Variants in CNTNAP2 observed in about 807,000 individuals in gnomAD.
The protein encoded by CNTNAP2 is contactin associated protein 2, also known as contactin-associated protein-like 2.
In CNTNAP2, 98 loss-of-function variants were observed where a neutral mutation model predicts 155.2. The observed-to-expected ratio is 0.63, with a 90% CI of 0.54 to 0.75. The LOEUF (loss-of-function observed/expected upper bound fraction) is 0.75, where lower values mean the gene tolerates loss of function less well. Ranked by LOEUF, CNTNAP2 falls within the 30% of genes least tolerant of loss-of-function variation. The pLI, the probability that CNTNAP2 is intolerant of heterozygous loss-of-function variation, is 0.00. For missense variants in CNTNAP2, 1,727 were observed against 1,688.1 expected (o/e 1.02, Z -0.40); for synonymous variants, 651 against 631.2 (o/e 1.03, Z -0.47).
chr7:147,085,684 G>C (rs557660890), intron 4 of CNTNAP2: 2 of 152,286 alleles, frequency 1.3e-5, no homozygotes, highest in African/African-American at 2.4e-5. Flanking sequence ...ACATTTTACT[G>C]TGTGTTACCT....
At chr7:148,395,406 C>T (rs931946145) in intron 22 of CNTNAP2, among the ~76,000 whole-genome samples, 5 of 152,038 alleles carry the variant, frequency 3.3e-5, no homozygotes, top group Admixed American at 6.6e-5. Flanking sequence ...GCCCCAGCCC[C>T]GCCTCCAGGA....
chr7:146,345,487 G>A (rs558157015), intron 1 of CNTNAP2, among the ~76,000 whole-genome samples: 1 of 152,116 alleles, frequency 6.6e-6, no homozygotes, highest in Non-Finnish European at 1.5e-5. Flanking sequence ...GGCAGATAGA[G>A]CTTTTCCACT....
chr7:148,085,939 T>G (rs1253196047), intron 15 of CNTNAP2, among the ~76,000 whole-genome samples: 7 of 152,244 alleles, frequency 4.6e-5, no homozygotes, highest in Non-Finnish European at 1.0e-4. Flanking sequence ...TCAATCAAGT[T>G]ATTCTGCCAT....
intron 17 of CNTNAP2, among the ~76,000 whole-genome samples, chr7:148,154,976 T>G (rs776642014): frequency 3.4e-4 from 52 of 151,854 alleles, no homozygotes; most frequent in Non-Finnish European, 6.2e-4. Context: ...GCAGGAATTA[T>G]AACCTAGAGA....
chr7:146,199,723 A>G (rs889317284), intron 1 of CNTNAP2, among the ~76,000 whole-genome samples: 1 of 152,202 alleles, frequency 6.6e-6, no homozygotes, highest in Non-Finnish European at 1.5e-5. Flanking sequence ...CAATAGAGAA[A>G]TTAGAGAGGG....
intron 1 of CNTNAP2, among the ~76,000 whole-genome samples, chr7:146,495,206 G>T (rs1313346682): frequency 1.3e-5 from 2 of 152,214 alleles, no homozygotes; most frequent in African/African-American, 4.8e-5. Flanking sequence ...TGTTTGACAT[G>T]TATCTGGATC....
chr7:147,915,374 T>G (rs1800140781), intron 14 of CNTNAP2, among the ~76,000 whole-genome samples: 2 of 152,218 alleles, frequency 1.3e-5, no homozygotes, highest in African/African-American at 4.8e-5. Flanking sequence ...TTTGTGCTCT[T>G]AAATCTTTTG....
At chr7:146,741,903 A>G (rs1365456592) in intron 1 of CNTNAP2, among the ~76,000 whole-genome samples, 1 of 152,106 alleles carries the variant, frequency 6.6e-6, no homozygotes, top group Non-Finnish European at 1.5e-5. Context: ...AAAAAATTGG[A>G]AGGAAAAAAC....
chr7:146,852,576 A>G (rs1243798936), intron 3 of CNTNAP2, among the ~76,000 whole-genome samples: 1 of 152,154 alleles, frequency 6.6e-6, no homozygotes, highest in Non-Finnish European at 1.5e-5. Flanking sequence ...CACTATCAAC[A>G]TCATGTAATT....
intron 15 of CNTNAP2, among the ~76,000 whole-genome samples, chr7:147,983,636 A>C (rs1801570521): frequency 6.6e-6 from 1 of 152,200 alleles, no homozygotes; most frequent in South Asian, 2.1e-4. Flanking sequence ...TGAGGTATAC[A>C]TTGGTTTAGT....
rs1363771525 is a variant in CNTNAP2, at chr7:146,820,586, C to A, written c.209-19125C>A. 2.0e-5 allele frequency among the ~76,000 whole-genome samples: 3 copies of A among 152,132 alleles called. No individual in the cohort carries two copies. In the East Asian group the frequency reaches 5.8e-4, roughly 29 times the overall value. ...TTGCTGAGGAGTGCTTTACTTCCAA[C>A]TATGTGGTCAATTTTGGAGTAGGTG... On this transcript the variant is annotated intron_variant, in intron 2 of 23. Transcript: ENST00000361727.
At chr7:148,226,550 G>C (rs1585200812) in intron 19 of CNTNAP2, among the ~76,000 whole-genome samples, 1 of 152,216 alleles carries the variant, frequency 6.6e-6, no homozygotes, top group East Asian at 1.9e-4. Flanking sequence ...AGTTGGGCAA[G>C]CGGGCCCAAG....
At chr7:146,155,945 C>T (rs1330813169) in intron 1 of CNTNAP2, among the ~76,000 whole-genome samples, 1 of 151,878 alleles carries the variant, frequency 6.6e-6, no homozygotes, top group African/African-American at 2.4e-5. Flanking sequence ...CTCAGGTGAT[C>T]CTCCCACCTC....
intron 12 of CNTNAP2, among the ~76,000 whole-genome samples, chr7:147,610,515 C>T (rs965830404): frequency 3.9e-5 from 6 of 152,122 alleles, no homozygotes; most frequent in Non-Finnish European, 8.8e-5. Flanking sequence ...CACAGTGGCA[C>T]ATTTTGGGGT....
At chr7:146,291,733 A>G (rs1237366975) in intron 1 of CNTNAP2, among the ~76,000 whole-genome samples, 1 of 152,252 alleles carries the variant, frequency 6.6e-6, no homozygotes, top group Non-Finnish European at 1.5e-5. Context: ...TATAATTTTT[A>G]AAAAGCCAAT....
chr7:146,735,442 C>G (rs1251272002), intron 1 of CNTNAP2, among the ~76,000 whole-genome samples: 3 of 151,962 alleles, frequency 2.0e-5, no homozygotes, highest in Admixed American at 2.0e-4. Context: ...GTAGTCCCAG[C>G]TACTTGGGAG....
At chr7:146,328,033 A>ACTGGTC (rs1388193073) in intron 1 of CNTNAP2, among the ~76,000 whole-genome samples, 1 of 152,190 alleles carries the variant, frequency 6.6e-6, no homozygotes, top group African/African-American at 2.4e-5. Flanking sequence ...CCCTTGGGCC[A>ACTGGTC]CAGACCGGTA....
intron 11 of CNTNAP2, among the ~76,000 whole-genome samples, chr7:147,499,861 C>G (rs1336330357): frequency 6.6e-6 from 1 of 152,140 alleles, no homozygotes; most frequent in Non-Finnish European, 1.5e-5. Context: ...ACTAGTGTTT[C>G]TAGCTCTGTG....
chr7:146,454,066 A>G (rs1018591858), intron 1 of CNTNAP2, among the ~76,000 whole-genome samples: 10 of 152,194 alleles, frequency 6.6e-5, no homozygotes, highest in African/African-American at 1.4e-4. Flanking sequence ...GCTAAAGTAC[A>G]TCATTATCAA....
Sources: gnomAD v4.1 joint callset for allele counts (sites outside exome capture counted in the v4.1 genomes callset) on GRCh38, gnomAD v4.1.1 for gene constraint, MANE v1.5 for transcripts, NCBI Gene and HGNC (gene_info 2026-07-23, HGNC 2026-07-21) for gene names.